The following MTA3 variants were observed in gnomAD, a reference collection of about 807,000 sequenced individuals.
The protein encoded by MTA3 is metastasis-associated protein MTA3.
Under a neutral mutation model 83.5 loss-of-function variants are expected in MTA3, and 34 were observed. The ratio of observed to expected loss-of-function variants is 0.41; its 90% confidence interval spans 0.31 to 0.54. The LOEUF (loss-of-function observed/expected upper bound fraction) is 0.54. Among genes scored for constraint, MTA3 ranks in the 20% least tolerant of loss-of-function variants. MTA3 has a pLI of 0.33. For synonymous variants in MTA3, 303 were observed against 252.7 expected (o/e 1.20, Z -1.89); for missense variants, 761 against 726.4 (o/e 1.05, Z -0.55).
intron 8 of MTA3, among the ~76,000 whole-genome samples, chr2:42,664,036 G>T (rs145653396): frequency 1.4e-3 from 206 of 152,264 alleles, no homozygotes; most frequent in Non-Finnish European, 2.1e-3. Context: ...ATCTGCACTT[G>T]ATTCCTCCTG....
At chr2:42,694,330 T>C (rs1408127828) in intron 9 of MTA3, among the ~76,000 whole-genome samples, 1 of 152,162 alleles carries the variant, frequency 6.6e-6, no homozygotes, top group Admixed American at 6.5e-5. Flanking sequence ...AGGAGTTGTT[T>C]AGGAGTTGAA....
At chr2:42,606,090 C>T (rs1275246271) in intron 3 of MTA3, among the ~76,000 whole-genome samples, 2 of 132,204 alleles carry the variant, frequency 1.5e-5, no homozygotes, top group African/African-American at 5.7e-5. Flanking sequence ...CTCTCCCTCC[C>T]GGACGGGGTG....
chr2:42,539,026 G>A (rs574952783), intron 2 of MTA3, among the ~76,000 whole-genome samples: 11 of 151,332 alleles, frequency 7.3e-5, no homozygotes, highest in South Asian at 2.1e-4. Context: ...CACCCGCCTC[G>A]GCCTCCCAAA....
intron 13 of MTA3, 40 bp from the exon 14 acceptor site, chr2:42,708,833 AG>A (rs1666341627): frequency 1.2e-6 from 2 of 1,606,080 alleles, no homozygotes; most frequent in East Asian, 4.5e-5. Context: ...TGTTTGGGCA[AG>A]TTCACTTCCT....
chr2:42,567,914 C>G (rs549010194), upstream of MTA3: 2 of 152,278 alleles, frequency 1.3e-5, no homozygotes, highest in African/African-American at 4.8e-5. Context: ...ATACAGTGCC[C>G]GTCTAGAGCC....
At chr2:42,648,971 A>G (rs1558541732) in intron 6 of MTA3, among the ~76,000 whole-genome samples, 1 of 152,200 alleles carries the variant, frequency 6.6e-6, no homozygotes, top group Non-Finnish European at 1.5e-5. Context: ...TTCTCTTTAA[A>G]CAGGGAATGA....
At chr2:42,672,846 C>CTT (rs70963344) in intron 8 of MTA3, among the ~76,000 whole-genome samples, 10 of 114,356 alleles carry the variant, frequency 8.7e-5, no homozygotes, top group Non-Finnish European at 1.2e-4. Context: ...GTATAAAAAG[C>CTT]TTTTTTTTTT....
At position 42,504,258 on chromosome 2, in the gene MTA3, A is replaced by G. The variant is rs1013476579; in HGVS notation, c.-141+9004A>G. ...AACCACATTATTTTTTTTTGAGTCT[A>G]TCAAAAGACTTCGCTCTGTCATCCA... On this transcript the variant is annotated intron_variant, in intron 2 of 17. Coordinates refer to the MTA3 transcript ENST00000405592. Among the ~76,000 whole-genome samples, 12 of 149,682 alleles carry G rather than the reference A, an allele frequency of 8.0e-5. No homozygotes were observed. In the East Asian group the frequency reaches 2.0e-3, roughly 25 times the overall value.
rs766165704 is a variant in MTA3, at chr2:42,682,442, G to A, written c.744G>A (p.Leu248=). The A allele has an allele frequency of 6.2e-7, 1 of 1,611,568 alleles. No individual in the cohort carries two copies. The highest frequency in any genetic ancestry group is 1.7e-5 in the Admixed American group (1 of 59,676). The part of the protein sequence containing the change: ...MDTLYRHSYD[L]SSAISVLVPL... ...CATTGTATAGACACAGCTATGATTTGAGCAGTGCCATTAGTGTCTTAGTAC... is the reference window on the plus strand; with the variant it reads ...CATTGTATAGACACAGCTATGATTTAAGCAGTGCCATTAGTGTCTTAGTAC... The change falls in exon 9 of 17, where the codon TTG becomes TTA. Residue 248 remains leucine (L), a synonymous_variant. Coordinates refer to ENST00000405094, the MANE Select transcript of MTA3 (RefSeq NM_001330442.2).
At chr2:42,517,106 A>G (rs1318962344) in intron 2 of MTA3, among the ~76,000 whole-genome samples, 3 of 151,994 alleles carry the variant, frequency 2.0e-5, no homozygotes, top group Non-Finnish European at 1.5e-5. Flanking sequence ...CTAAAAATAC[A>G]AAAATAAACC....
intron 2 of MTA3, among the ~76,000 whole-genome samples, chr2:42,547,011 A>T (rs1376344453): frequency 2.0e-5 from 3 of 152,188 alleles, no homozygotes; most frequent in Non-Finnish European, 2.9e-5. Context: ...CTTCACGAGG[A>T]TGTGGACTTT....
At chr2:42,495,941 GA>G (rs1674109995) in intron 2 of MTA3, among the ~76,000 whole-genome samples, 1 of 152,148 alleles carries the variant, frequency 6.6e-6, no homozygotes, top group Admixed American at 6.5e-5. Flanking sequence ...TGAGGATGGG[GA>G]AAAGTTTGCA....
chr2:42,666,979 G>T (rs1330451013), intron 8 of MTA3, among the ~76,000 whole-genome samples: 1 of 152,118 alleles, frequency 6.6e-6, no homozygotes. Flanking sequence ...ATGTGTATTT[G>T]AATTCTAATT....
chr2:42,562,208 T>C (rs567155901), intron 2 of MTA3, among the ~76,000 whole-genome samples: 1 of 152,162 alleles, frequency 6.6e-6, no homozygotes, highest in East Asian at 1.9e-4. Flanking sequence ...GATAATCTCA[T>C]CTTGAGATCT....
intron 3 of MTA3, among the ~76,000 whole-genome samples, chr2:42,605,641 C>T (rs74179024): frequency 0.21 from 4,682 of 22,774 alleles, 113 homozygotes; most frequent in African/African-American, 0.3. Flanking sequence ...CCCTCCCGGA[C>T]GGGGCGGCTG....
chr2:42,542,475 A>T (rs1258688770), intron 2 of MTA3, among the ~76,000 whole-genome samples: 1 of 152,190 alleles, frequency 6.6e-6, no homozygotes, highest in African/African-American at 2.4e-5. Context: ...ACTCAATATT[A>T]ACCGTCACAC....
intron 3 of MTA3, among the ~76,000 whole-genome samples, chr2:42,595,825 A>C (rs776551043): frequency 3.3e-5 from 5 of 152,186 alleles, no homozygotes; most frequent in Non-Finnish European, 7.3e-5. Flanking sequence ...TAACAATAAT[A>C]GTAGGAGCTA....
intron 2 of MTA3, 77 bp from the exon 3 acceptor site, chr2:42,579,030 C>A: frequency 1.1e-6 from 1 of 910,578 alleles, no homozygotes; most frequent in Non-Finnish European, 1.7e-6. Flanking sequence ...TATAATTGTG[C>A]TGTATCTAGT....
chr2:42,687,062 G>C (rs1204804625), intron 9 of MTA3, among the ~76,000 whole-genome samples: 2 of 152,154 alleles, frequency 1.3e-5, no homozygotes, highest in East Asian at 3.8e-4. Flanking sequence ...AGGAGGCAGA[G>C]GTTGCAGTGA....
Sources: gnomAD v4.1 joint callset for allele counts (sites outside exome capture counted in the v4.1 genomes callset) on GRCh38, gnomAD v4.1.1 for gene constraint, MANE v1.5 for transcripts, NCBI Gene and HGNC (gene_info 2026-07-23, HGNC 2026-07-21) for gene names.